Variants in EP300 observed in about 807,000 individuals in gnomAD.
EP300 encodes the protein EP300 lysine acetyltransferase.
EP300 carries 31 observed loss-of-function variants against 264.0 expected under a neutral mutation model. The observed-to-expected ratio is 0.12, with a 90% CI of 0.09 to 0.16. The LOEUF (loss-of-function observed/expected upper bound fraction) is 0.16, where lower values mean the gene tolerates loss of function less well. EP300 is among the 10% of genes least tolerant of loss of function. The pLI, the probability that EP300 is intolerant of heterozygous loss-of-function variation, is 1.00. For missense variants in EP300, 2,766 were observed against 3,052.9 expected (o/e 0.91, Z 2.21); for synonymous variants, 1,340 against 1,045.4 (o/e 1.28, Z -5.44).
chr22:41,166,828 G>T (rs2059137158), intron 23 of EP300, among the ~76,000 whole-genome samples, 162 bp downstream of exon 23: 1 of 152,014 alleles, frequency 6.6e-6, no homozygotes, highest in Non-Finnish European at 1.5e-5. Context: ...TTTTTGGTGT[G>T]AAATTTATTA....
At chr22:41,165,958 T>G (rs988872536) in intron 22 of EP300, among the ~76,000 whole-genome samples, 4 of 151,334 alleles carry the variant, frequency 2.6e-5, no homozygotes, top group African/African-American at 9.7e-5. Flanking sequence ...CCAATTCTTG[T>G]ATTTTTACTA....
At chr22:41,169,149 A>C in intron 25 of EP300, 1 of 563,606 alleles carries the variant, frequency 1.8e-6, no homozygotes, top group East Asian at 3.1e-5. Context: ...AAATGAGCTT[A>C]AATCTGGATT....
intron 2 of EP300, among the ~76,000 whole-genome samples, chr22:41,118,951 C>T (rs1397668511): frequency 6.7e-6 from 1 of 150,364 alleles, no homozygotes; most frequent in African/African-American, 2.4e-5. Flanking sequence ...AGTTAGGATT[C>T]TGTTTTAGCA....
rs552755933 is a variant in EP300, at chr22:41,179,254, A to G, written c.*298A>G. The G allele has an allele frequency of 6.2e-4, 248 of 398,942 alleles. 4 individuals carry two copies. In the South Asian group the frequency reaches 9.8e-3, roughly 16 times the overall value. The allele number at this position is 398,942 out of a possible 1,614,324, so 24.7% of individuals were successfully genotyped here. A position where few individuals can be genotyped will look rare whatever the true frequency, so the allele number is the denominator to read the frequency against. The stretch of plus-strand genomic sequence containing the variant: ...GCTGAGGCCTGTGAAGCCAAACAAT[A>G]TGCTCCTGCCTTGCACCTCCAATAG... On this transcript the variant is annotated 3_prime_UTR_variant, in exon 31 of 31. Transcript: ENST00000263253.
At chr22:41,126,241 C>T (rs1225003475) in intron 3 of EP300, 1 of 595,462 alleles carries the variant, frequency 1.7e-6, no homozygotes, top group African/African-American at 1.9e-5. Context: ...GGTTATTGAT[C>T]AGTGAGCATG....
chr22:41,136,771 C>G (rs1448880973), intron 7 of EP300, among the ~76,000 whole-genome samples: 1 of 152,082 alleles, frequency 6.6e-6, no homozygotes, highest in Non-Finnish European at 1.5e-5. Context: ...CCTTAGAAAA[C>G]TAAGTATGGG....
intron 16 of EP300, among the ~76,000 whole-genome samples, chr22:41,154,376 C>CTTTTTTTTTGTTTTTTTTTTTTT (rs2059064348): frequency 1.6e-5 from 1 of 61,792 alleles, no homozygotes; most frequent in Non-Finnish European, 2.8e-5. Flanking sequence ...CTTGTGCACT[C>CTTTTTTTTTGTTTTTTTTTTTTT]TTTTTTTTTT....
At chr22:41,162,345 A>G (rs1397092081) in intron 20 of EP300, among the ~76,000 whole-genome samples, 1 of 152,208 alleles carries the variant, frequency 6.6e-6, no homozygotes, top group Non-Finnish European at 1.5e-5. Context: ...TAGTTGGAGA[A>G]TGGTAAGACT....
At chr22:41,126,303 C>T in intron 3 of EP300, 1 of 419,242 alleles carries the variant, frequency 2.4e-6, no homozygotes, top group Non-Finnish European at 4.3e-6. Context: ...TAGGGGCCTG[C>T]CATTCAGCAA....
In EP300 at chr22:41,137,638, G is replaced by A. The variant is rs1601611386; in HGVS notation, c.1623-15G>A. The A allele has an allele frequency of 1.2e-6, 2 of 1,614,074 alleles. No individual in the cohort carries two copies. Among genetic ancestry groups the A allele is most frequent in the East Asian group, 4.5e-5 (2 of 44,882 alleles). ...CCTTTCTTCACTAAAACTATTTGGT[G>A]ACCCCTTTTTGAAGCCCAATGATGA... On this transcript the variant is annotated splice_polypyrimidine_tract_variant and intron_variant, in intron 7 of 30. Transcript: ENST00000263253.
intron 1 of EP300, among the ~76,000 whole-genome samples, chr22:41,109,163 G>T (rs1437051481): frequency 4.0e-5 from 6 of 151,130 alleles, no homozygotes; most frequent in Non-Finnish European, 7.4e-5. Context: ...CAGCTACTAA[G>T]GAGGATTGCT....
intron 17 of EP300, among the ~76,000 whole-genome samples, chr22:41,155,419 A>G (rs1437404343): frequency 6.6e-6 from 1 of 152,006 alleles, no homozygotes; most frequent in South Asian, 2.1e-4. Context: ...TTTTTAGTAG[A>G]GACGGGGTTT....
In EP300 at chr22:41,117,349, G is replaced by T. The variant is rs147121738; in HGVS notation, c.257G>T (p.Arg86Leu). 1.2e-6 allele frequency: 2 copies of T among 1,614,044 alleles called. No homozygotes were observed. The highest frequency in any genetic ancestry group is 1.7e-6 in the Non-Finnish European group (2 of 1,180,036). Residue 86 changes from arginine (R) to leucine (L), a missense_variant, in exon 2 of 31, where the codon CGA (arginine) becomes CTA (leucine). Transcript: ENST00000263253. The stretch of plus-strand genomic sequence containing the variant: ...CATAAACAGCTGTCAGAATTGCTGC[G>T]ATCTGGTAGTTCCCCTAACCTCAAT... ...SKHKQLSELL[R>L]SGSSPNLNMG...
chr22:41,132,966 A>G (rs538846902), intron 6 of EP300, among the ~76,000 whole-genome samples: 10 of 152,212 alleles, frequency 6.6e-5, no homozygotes, highest in South Asian at 2.1e-4. Flanking sequence ...TTCTGTGTCT[A>G]TCCCTCTGCT....
chr22:41,111,971 T>C (rs983344464), intron 1 of EP300, among the ~76,000 whole-genome samples: 44 of 123,700 alleles, frequency 3.6e-4, no homozygotes, highest in African/African-American at 1.3e-3. Flanking sequence ...CACTGCAAGC[T>C]CCGCCTCCCG....
chr22:41,135,030 C>G (rs2058942614), intron 6 of EP300, among the ~76,000 whole-genome samples: 1 of 152,152 alleles, frequency 6.6e-6, no homozygotes, highest in Non-Finnish European at 1.5e-5. Context: ...GCCTCAGCCT[C>G]CAAGAGTAGC....
chr22:41,117,828 A>G lies in EP300; in HGVS notation c.729+7A>G, dbSNP rs765949307. The G allele has an allele frequency of 1.9e-6, 3 of 1,613,678 alleles. No homozygotes were observed. The highest frequency in any genetic ancestry group is 1.3e-5 in the African/African-American group (1 of 75,052). Reference sequence around the variant, plus strand: ...AGGCCCCCAGCCTCTTAAGGTAAGTACAGTTTTGGTTTGTGTGCACAATCG... The same window carrying G: ...AGGCCCCCAGCCTCTTAAGGTAAGTGCAGTTTTGGTTTGTGTGCACAATCG... On this transcript the variant is annotated splice_region_variant and intron_variant, in intron 2 of 30. Transcript: ENST00000263253.
At chr22:41,170,926 G>A (rs2099386888) in intron 27 of EP300, among the ~76,000 whole-genome samples, 1 of 149,300 alleles carries the variant, frequency 6.7e-6, no homozygotes, top group Non-Finnish European at 1.5e-5. Context: ...GCCTCCCAAA[G>A]TGCTGGGATT....
At chr22:41,135,652 A>G (rs748380653) in intron 6 of EP300, among the ~76,000 whole-genome samples, 161 bp from the exon 7 acceptor site, 2 of 152,008 alleles carry the variant, frequency 1.3e-5, no homozygotes, top group Non-Finnish European at 1.5e-5. Flanking sequence ...GGTGCTTCAA[A>G]TCAGCCTTTA....
Sources: gnomAD v4.1 joint callset for allele counts (sites outside exome capture counted in the v4.1 genomes callset) on GRCh38, gnomAD v4.1.1 for gene constraint, MANE v1.5 for transcripts, NCBI Gene and HGNC (gene_info 2026-07-23, HGNC 2026-07-21) for gene names.